ELL2: variants seen among roughly 807,000 people sequenced by gnomAD.
ELL2 encodes the protein elongation factor for RNA polymerase II 2, also known as RNA polymerase II elongation factor ELL2.
Under a neutral mutation model 72.8 loss-of-function variants are expected in ELL2, and 21 were observed. The ratio of observed to expected loss-of-function variants is 0.29; its 90% confidence interval spans 0.20 to 0.42. ELL2 has a LOEUF of 0.42. Among genes scored for constraint, ELL2 ranks in the 10% least tolerant of loss-of-function variants. The pLI is 1.00. For synonymous variants in ELL2, 266 were observed against 283.2 expected (o/e 0.94, Z 0.61); for missense variants, 568 against 772.8 (o/e 0.73, Z 3.14).
chr5:95,935,890 G>A (rs1750755641), intron 2 of ELL2, among the ~76,000 whole-genome samples: 1 of 144,698 alleles, frequency 6.9e-6, no homozygotes, highest in Non-Finnish European at 1.5e-5. Flanking sequence ...GGCAGCCATT[G>A]GAGAAGCATG....
Position 95,888,781 on chromosome 5 carries a change from G to A in ELL2, c.*90C>T. 1 of 916,660 alleles carries A rather than the reference G, an allele frequency of 1.1e-6. No individual in the cohort carries two copies. Among genetic ancestry groups the A allele is most frequent in the Non-Finnish European group, 1.6e-6 (1 of 631,912 alleles). 56.8% of individuals were successfully genotyped at this position (916,660 alleles called of 1,614,324 possible). A position where few individuals can be genotyped will look rare whatever the true frequency, so the allele number is the denominator to read the frequency against. ...AATACTGAAACTTTCAACAGCCAAAGTTTCACCTTTTTAGAATCTAGAGCA... is the reference window on the plus strand; with the variant it reads ...AATACTGAAACTTTCAACAGCCAAAATTTCACCTTTTTAGAATCTAGAGCA... On this transcript the variant is annotated 3_prime_UTR_variant, in exon 12 of 12. Transcript: ENST00000237853.
chr5:95,908,581 G>A (rs1749464745), intron 4 of ELL2, among the ~76,000 whole-genome samples: 1 of 152,162 alleles, frequency 6.6e-6, no homozygotes, highest in South Asian at 2.1e-4. Flanking sequence ...AAGCAGAGGA[G>A]CAGGAATCAA....
chr5:95,902,641 G>A (rs1338736618), intron 5 of ELL2, among the ~76,000 whole-genome samples: 1 of 152,090 alleles, frequency 6.6e-6, no homozygotes, highest in Non-Finnish European at 1.5e-5. Context: ...TAACAGTAAT[G>A]TTTCTATTAA....
At position 95,891,127 on chromosome 5, in the gene ELL2, A is replaced by G. The variant is rs769058184; in HGVS notation, c.1737T>C (p.Leu579=). 1.2e-6 allele frequency: 2 copies of G among 1,614,156 alleles called. No individual in the cohort carries two copies. The highest frequency in any genetic ancestry group is 2.2e-5 in the South Asian group (2 of 91,084). ...CCTGATACTCTTTTGAGCCTGGAGAAAGGCGCTTTCTTTGTGCATCTAGTT... is the reference window on the plus strand; with the variant it reads ...CCTGATACTCTTTTGAGCCTGGAGAGAGGCGCTTTCTTTGTGCATCTAGTT... ...FIKLDAQRKR[L]SPGSKEYQNV... The change falls in exon 10 of 12, where the codon CTT becomes CTC. Residue 579 remains leucine (L), a synonymous_variant. Transcript: ENST00000237853.
chr5:95,903,517 C>G (rs557912085), intron 5 of ELL2, among the ~76,000 whole-genome samples: 2 of 152,250 alleles, frequency 1.3e-5, no homozygotes, highest in African/African-American at 4.8e-5. Context: ...GGGTGAGCCA[C>G]GGCGCCTGGC....
chr5:95,907,225 G>A (rs951818915), intron 4 of ELL2, among the ~76,000 whole-genome samples: 12 of 148,952 alleles, frequency 8.1e-5, no homozygotes, highest in Admixed American at 4.0e-4. Flanking sequence ...AATTTCACAC[G>A]TTCAGAAGCC....
intron 8 of ELL2, 42 bp from the exon 9 acceptor site, chr5:95,895,733 G>C: frequency 6.7e-7 from 1 of 1,488,060 alleles, no homozygotes; most frequent in East Asian, 2.3e-5. Context: ...CATCAACTAC[G>C]AAGGTTATCA....
At chr5:95,935,761 A>G (rs1750751624) in intron 2 of ELL2, among the ~76,000 whole-genome samples, 1 of 152,222 alleles carries the variant, frequency 6.6e-6, no homozygotes, top group Non-Finnish European at 1.5e-5. Context: ...TCAGATTTGA[A>G]TAATGGCCTC....
chr5:95,887,164 T>C lies in ELL2; in HGVS notation c.*1707A>G, dbSNP rs866426269. On this transcript the variant is annotated 3_prime_UTR_variant, in exon 12 of 12. Transcript: ENST00000237853. ...AATTCCTTAGGAGGTCCATGCTACATAGAACCAAAATTTCTGCGGTAATGT... is the reference window on the plus strand; with the variant it reads ...AATTCCTTAGGAGGTCCATGCTACACAGAACCAAAATTTCTGCGGTAATGT... 2 of 152,294 alleles carry C rather than the reference T, an allele frequency of 1.3e-5. No individual in the cohort carries two copies. Among genetic ancestry groups the C allele is most frequent in the Non-Finnish European group, 1.5e-5 (1 of 68,006 alleles). The allele number at this position is 152,294 out of a possible 1,614,324, so 9.4% of individuals were successfully genotyped here.
chr5:95,897,862 G>T (rs1748933693), intron 8 of ELL2, among the ~76,000 whole-genome samples: 1 of 152,148 alleles, frequency 6.6e-6, no homozygotes, highest in Admixed American at 6.5e-5. Flanking sequence ...AGAAGGAAAT[G>T]AATATTCTTA....
chr5:95,910,486 T>A (rs1749548037), intron 4 of ELL2, among the ~76,000 whole-genome samples: 1 of 152,032 alleles, frequency 6.6e-6, no homozygotes. Flanking sequence ...ACCACTGATA[T>A]AAATGTCATG....
intron 8 of ELL2, among the ~76,000 whole-genome samples, chr5:95,897,036 C>T (rs753066805): frequency 7.2e-5 from 11 of 152,216 alleles, no homozygotes; most frequent in Non-Finnish European, 1.5e-5. Context: ...AAAAAGCTTA[C>T]ACCTACCTTT....
chr5:95,898,171 C>G (rs1265756468), intron 8 of ELL2, 69 bp downstream of exon 8: 1 of 1,198,430 alleles, frequency 8.3e-7, no homozygotes, highest in Non-Finnish European at 1.1e-6. Context: ...AAAGAAATTA[C>G]TAATTATAAA....
chr5:95,937,887 T>A (rs763951578), intron 2 of ELL2, among the ~76,000 whole-genome samples: 12 of 152,068 alleles, frequency 7.9e-5, no homozygotes, highest in Non-Finnish European at 1.6e-4. Context: ...AGGCATATTA[T>A]CTAAGAAGGT....
chr5:95,948,581 G>GT (rs1370412910), intron 1 of ELL2, among the ~76,000 whole-genome samples: 4 of 152,020 alleles, frequency 2.6e-5, no homozygotes, highest in African/African-American at 9.7e-5. Flanking sequence ...AAGCATGTTA[G>GT]TTTTTTATCC....
chr5:95,952,481 T>C (rs1580539404), intron 1 of ELL2, among the ~76,000 whole-genome samples: 1 of 152,184 alleles, frequency 6.6e-6, no homozygotes, highest in East Asian at 1.9e-4. Context: ...AAATCTTACT[T>C]GATCCCTCAT....
intron 3 of ELL2, among the ~76,000 whole-genome samples, chr5:95,917,208 A>C (rs1396324167): frequency 6.6e-6 from 1 of 152,206 alleles, no homozygotes; most frequent in Non-Finnish European, 1.5e-5. Flanking sequence ...AAATGGGTAG[A>C]CTTAAGGAAT....
chr5:95,890,448 G>C (rs1322022338), intron 10 of ELL2, among the ~76,000 whole-genome samples: 2 of 152,180 alleles, frequency 1.3e-5, no homozygotes, highest in African/African-American at 2.4e-5. Context: ...AGCCCACACG[G>C]GAGGGAAATA....
chr5:95,952,872 T>C (rs2161318), intron 1 of ELL2, among the ~76,000 whole-genome samples: 50,501 of 152,002 alleles, frequency 0.33, 10,121 homozygotes, highest in African/African-American at 0.57. Context: ...ACCTCCAACA[T>C]TCAGAGGCCA....
Sources: gnomAD v4.1 joint callset for allele counts (sites outside exome capture counted in the v4.1 genomes callset) on GRCh38, gnomAD v4.1.1 for gene constraint, MANE v1.5 for transcripts, NCBI Gene and HGNC (gene_info 2026-07-23, HGNC 2026-07-21) for gene names.